TNIK: variants seen among roughly 807,000 people sequenced by gnomAD.
TNIK encodes the protein TRAF2 and NCK-interacting protein kinase.
In TNIK, 49 loss-of-function variants were observed where a neutral mutation model predicts 191.3. That is an observed-to-expected ratio of 0.26 (90% CI 0.20 to 0.32). The LOEUF is 0.32. Ranked by LOEUF, TNIK falls within the 10% of genes least tolerant of loss-of-function variation. TNIK has a pLI of 1.00. For missense variants in TNIK, 1,155 were observed against 1,702.3 expected (o/e 0.68, Z 5.66); for synonymous variants, 594 against 600.9 (o/e 0.99, Z 0.17).
chr3:171,309,863 C>T (rs1443640250), intron 2 of TNIK, among the ~76,000 whole-genome samples: 1 of 152,128 alleles, frequency 6.6e-6, no homozygotes, highest in East Asian at 1.9e-4. Flanking sequence ...TCACCAGTAG[C>T]CCAGACTTTT....
chr3:171,172,284 G>A (rs935865982), intron 9 of TNIK, among the ~76,000 whole-genome samples: 5 of 152,194 alleles, frequency 3.3e-5, no homozygotes, highest in Admixed American at 2.6e-4. Context: ...TTGGTCAGGT[G>A]TTGATATATA....
At position 171,182,952 on chromosome 3, in the gene TNIK, G is replaced by T. The variant is rs923873124; in HGVS notation, c.640-5572C>A. On this transcript the variant is annotated intron_variant, in intron 7 of 32. Transcript: ENST00000436636. ...CACATGTCTTGCAGGACTGGTAAGA[G>T]AATTCAATAAGGAAGAATATGCAAA... Among the ~76,000 whole-genome samples the T allele has an allele frequency of 5.9e-5, 9 of 152,294 alleles. No individual in the cohort carries two copies. In the East Asian group the frequency reaches 1.5e-3, roughly 26 times the overall value.
At chr3:171,417,197 A>G (rs1336556261) in intron 1 of TNIK, among the ~76,000 whole-genome samples, 5 of 152,216 alleles carry the variant, frequency 3.3e-5, no homozygotes, top group Non-Finnish European at 5.9e-5. Flanking sequence ...GCATCTCAAA[A>G]TATGTTTTGA....
chr3:171,437,239 G>C (rs1339927053), intron 1 of TNIK, among the ~76,000 whole-genome samples: 1 of 152,190 alleles, frequency 6.6e-6, no homozygotes, highest in Non-Finnish European at 1.5e-5. Context: ...AGCTTAGTAG[G>C]AGGTACACAG....
intron 2 of TNIK, chr3:171,347,008 G>T: frequency 2.4e-6 from 2 of 830,548 alleles, no homozygotes; most frequent in Non-Finnish European, 3.6e-6. Flanking sequence ...ATAACATCAA[G>T]GGACAGTCCT....
chr3:171,061,185 G>A lies in TNIK; in HGVS notation c.*2696C>T, dbSNP rs1313829731. Reference sequence around the variant, plus strand: ...TTATGTCAGGGCTGGGGTCTGTCTTGCTGGAGGAAAATTTATTTTTGAAGA... The same window carrying A: ...TTATGTCAGGGCTGGGGTCTGTCTTACTGGAGGAAAATTTATTTTTGAAGA... On this transcript the variant is annotated 3_prime_UTR_variant, in exon 33 of 33. Coordinates refer to ENST00000436636, the MANE Select transcript of TNIK (RefSeq NM_015028.4). Among the ~76,000 whole-genome samples, 2 of 152,098 alleles carry A rather than the reference G, an allele frequency of 1.3e-5. No homozygotes were observed. The highest frequency in any genetic ancestry group is 2.9e-5 in the Non-Finnish European group (2 of 68,012).
At chr3:171,411,021 G>C (rs1017561420) in intron 1 of TNIK, among the ~76,000 whole-genome samples, 2 of 151,414 alleles carry the variant, frequency 1.3e-5, no homozygotes, top group Non-Finnish European at 2.9e-5. Context: ...CAGTGGATCA[G>C]ATTTGTGCAC....
chr3:171,342,722 T>C (rs760754076), intron 2 of TNIK, among the ~76,000 whole-genome samples: 1 of 152,234 alleles, frequency 6.6e-6, no homozygotes, highest in Admixed American at 6.5e-5. Context: ...AAATCTCCTA[T>C]GCAGAAGAAT....
chr3:171,173,904 C>T (rs1051480340), intron 9 of TNIK, among the ~76,000 whole-genome samples: 11 of 152,254 alleles, frequency 7.2e-5, no homozygotes, highest in African/African-American at 2.4e-4. Context: ...CCCCGGGAGT[C>T]TGATCCAGGG....
chr3:171,081,141 T>C (rs1424056611), intron 27 of TNIK, among the ~76,000 whole-genome samples: 1 of 152,048 alleles, frequency 6.6e-6, no homozygotes, highest in East Asian at 1.9e-4. Context: ...AGGACAGCAA[T>C]TAACCAGAAC....
chr3:171,237,945 T>C (rs559708905), intron 2 of TNIK, among the ~76,000 whole-genome samples: 2 of 152,330 alleles, frequency 1.3e-5, no homozygotes, highest in East Asian at 3.9e-4. Context: ...TGACGTCATC[T>C]GACTGGAGAC....
chr3:171,459,702 A>ACACACACACG (rs1440964824), intron 1 of TNIK, among the ~76,000 whole-genome samples: 13 of 150,412 alleles, frequency 8.6e-5, no homozygotes, highest in Non-Finnish European at 1.8e-4. Context: ...ACACACACAC[A>ACACACACACG]CGCACACACG....
At position 171,125,970 on chromosome 3, in the gene TNIK, C is replaced by A. The variant is rs367614585; in HGVS notation, c.1955G>T (p.Arg652Leu). ...PTSENPPLPT[R>L]IEKFDRSSWL... is the part of the protein sequence containing the mutation. ...AGAGCTTCGGTCAAACTTTTCAATGCGAGTGGGGAGAGGAGGATTTTCCGA... is the reference window on the plus strand; with the variant it reads ...AGAGCTTCGGTCAAACTTTTCAATGAGAGTGGGGAGAGGAGGATTTTCCGA... Residue 652 changes from arginine to leucine, a missense_variant, in exon 17 of 33, where the codon CGC becomes CTC. Physicochemically the swap from Arg to Leu is moderately radical, Grantham distance 102 (BLOSUM62 -2). Coordinates refer to ENST00000436636, the MANE Select transcript of TNIK (RefSeq NM_015028.4). 7 of 1,613,728 alleles carry A rather than the reference C, an allele frequency of 4.3e-6. No homozygotes were observed. The highest frequency in any genetic ancestry group is 5.9e-6 in the Non-Finnish European group (7 of 1,179,860).
At chr3:171,459,209 G>T (rs1005331154) in intron 1 of TNIK, among the ~76,000 whole-genome samples, 1 of 149,858 alleles carries the variant, frequency 6.7e-6, no homozygotes, top group Non-Finnish European at 1.5e-5. Flanking sequence ...CCACAGACAC[G>T]GGGAAAACAC....
At chr3:171,290,636 A>G (rs1751582138) in intron 2 of TNIK, among the ~76,000 whole-genome samples, 1 of 152,194 alleles carries the variant, frequency 6.6e-6, no homozygotes, top group South Asian at 2.1e-4. Context: ...CATCTTTGTA[A>G]TTTGCCAGAA....
At chr3:171,167,638 GA>G (rs1448070094) in intron 9 of TNIK, among the ~76,000 whole-genome samples, 2 of 152,158 alleles carry the variant, frequency 1.3e-5, no homozygotes, top group Non-Finnish European at 2.9e-5. Context: ...AAAATTAGGA[GA>G]AAATCACTCT....
chr3:171,138,145 A>G (rs758178459), intron 15 of TNIK, 46 bp downstream of exon 15: 2 of 1,490,168 alleles, frequency 1.3e-6, no homozygotes, highest in Admixed American at 2.5e-5. Context: ...AACTCATTAG[A>G]GTCAAAAGCC....
chr3:171,445,054 A>G (rs1727314617), intron 1 of TNIK, among the ~76,000 whole-genome samples: 4 of 152,034 alleles, frequency 2.6e-5, no homozygotes, highest in African/African-American at 9.7e-5. Context: ...AGTGGTTCTC[A>G]GACTCCCACA....
At chr3:171,319,480 G>A (rs1754964626) in intron 2 of TNIK, among the ~76,000 whole-genome samples, 1 of 151,922 alleles carries the variant, frequency 6.6e-6, no homozygotes, top group African/African-American at 2.4e-5. Context: ...TCCTTCCTTG[G>A]TATTTTTTAA....
Sources: gnomAD v4.1 joint callset for allele counts (sites outside exome capture counted in the v4.1 genomes callset) on GRCh38, gnomAD v4.1.1 for gene constraint, MANE v1.5 for transcripts, NCBI Gene and HGNC (gene_info 2026-07-23, HGNC 2026-07-21) for gene names.